The following LRRTM4 variants were observed in gnomAD, a reference collection of about 807,000 sequenced individuals.
LRRTM4 encodes leucine rich repeat transmembrane neuronal 4.
Under a neutral mutation model 47.6 loss-of-function variants are expected in LRRTM4, and 25 were observed. The ratio of observed to expected loss-of-function variants is 0.53; its 90% confidence interval spans 0.38 to 0.73. The LOEUF (loss-of-function observed/expected upper bound fraction) is 0.73. Among genes scored for constraint, LRRTM4 ranks in the 30% least tolerant of loss-of-function variants. LRRTM4 has a pLI of 0.00. For synonymous variants in LRRTM4, 311 were observed against 269.5 expected, an observed-to-expected ratio of 1.15 and a Z score of -1.51; for missense variants, 638 against 713.4, an observed-to-expected ratio of 0.89 and a Z score of 1.20.
chr2:76,765,213 T>A (rs1256290827), intron 3 of LRRTM4, among the ~76,000 whole-genome samples: 1 of 152,198 alleles, frequency 6.6e-6, no homozygotes, highest in African/African-American at 2.4e-5. Flanking sequence ...GCATGATACT[T>A]TGGAAGCACG....
intron 3 of LRRTM4, among the ~76,000 whole-genome samples, chr2:77,121,265 T>A (rs1671514466): frequency 6.6e-6 from 1 of 151,928 alleles, no homozygotes; most frequent in South Asian, 2.1e-4. Context: ...CTATATCTAA[T>A]GATTTTTATC....
chr2:76,799,087 C>A (rs1325557031), intron 3 of LRRTM4, among the ~76,000 whole-genome samples: 1 of 147,424 alleles, frequency 6.8e-6, no homozygotes, highest in East Asian at 2.0e-4. Context: ...GGGAATCCTC[C>A]CTAACTCATT....
At chr2:77,441,443 A>G (rs1292691179) in intron 3 of LRRTM4, among the ~76,000 whole-genome samples, 2 of 152,158 alleles carry the variant, frequency 1.3e-5, no homozygotes, top group East Asian at 3.9e-4. Context: ...CAATCACCTA[A>G]TAAGTTTATA....
Position 77,288,749 on chromosome 2 carries a change from TATG to T in LRRTM4, c.1551+229566_1551+229568del, listed in dbSNP as rs776793926. Among the ~76,000 whole-genome samples, 99 of 152,218 alleles carry T rather than the reference TATG, an allele frequency of 6.5e-4. 1 individual carries two copies. The highest frequency in any genetic ancestry group is 1.3e-3 in the Non-Finnish European group (88 of 67,992). Reference sequence around the variant, plus strand: ...TATGTAATGCTTAGGAAATAAATACTATGATATGTTCAAACTCATCCTGTGTAT... The same window carrying T: ...TATGTAATGCTTAGGAAATAAATACTATATGTTCAAACTCATCCTGTGTAT... On this transcript the variant is annotated intron_variant, in intron 3 of 3. Coordinates refer to ENST00000409884, the MANE Select transcript of LRRTM4 (RefSeq NM_001134745.3).
chr2:76,961,130 C>G (rs1573372416), intron 3 of LRRTM4, among the ~76,000 whole-genome samples: 1 of 151,374 alleles, frequency 6.6e-6, no homozygotes, highest in Non-Finnish European at 1.5e-5. Context: ...ATCATTTCCC[C>G]TTATTGGATA....
chr2:77,268,792 C>A (rs546651234), intron 3 of LRRTM4, among the ~76,000 whole-genome samples: 1 of 152,128 alleles, frequency 6.6e-6, no homozygotes, highest in Non-Finnish European at 1.5e-5. Context: ...ACTAAACTAG[C>A]CATAATGACT....
chr2:76,851,886 C>A lies in LRRTM4; in HGVS notation c.1552-102970G>T, dbSNP rs115753255. 3.8e-3 allele frequency among the ~76,000 whole-genome samples: 566 copies of A among 150,894 alleles called. 2 individuals are homozygous for A. The highest frequency in any genetic ancestry group is 0.014 in the Middle Eastern group (4 of 288). On this transcript the variant is annotated intron_variant, in intron 3 of 3. Coordinates refer to ENST00000409884, the MANE Select transcript of LRRTM4 (RefSeq NM_001134745.3). ...ATCCTGAATTATGCTAAAATTTTGACCCTATTTGTTAATCACACAGGAAAC... is the reference window on the plus strand; with the variant it reads ...ATCCTGAATTATGCTAAAATTTTGAACCTATTTGTTAATCACACAGGAAAC...
At chr2:76,957,922 G>A (rs1362881599) in intron 3 of LRRTM4, among the ~76,000 whole-genome samples, 4 of 150,194 alleles carry the variant, frequency 2.7e-5, no homozygotes, top group Admixed American at 1.3e-4. Flanking sequence ...TTGTGTGTGT[G>A]TATATATATG....
At chr2:76,873,966 AT>A (rs571289068) in intron 3 of LRRTM4, among the ~76,000 whole-genome samples, 1 of 152,130 alleles carries the variant, frequency 6.6e-6, no homozygotes, top group East Asian at 1.9e-4. Flanking sequence ...AATCATATTT[AT>A]TGTAAACCAG....
chr2:76,954,508 GA>G (rs74921599), intron 3 of LRRTM4, among the ~76,000 whole-genome samples: 36,603 of 146,020 alleles, frequency 0.25, 5,205 homozygotes, highest in East Asian at 0.55. Flanking sequence ...GAAATAAAAA[GA>G]AAAAAAAAAT....
intron 3 of LRRTM4, among the ~76,000 whole-genome samples, chr2:77,046,765 T>C (rs568364715): frequency 3.9e-5 from 6 of 152,124 alleles, no homozygotes; most frequent in South Asian, 4.1e-4. Flanking sequence ...CATGTATATC[T>C]ATGCCCATCT....
At chr2:77,102,168 G>A (rs1039382665) in intron 3 of LRRTM4, among the ~76,000 whole-genome samples, 5 of 152,236 alleles carry the variant, frequency 3.3e-5, no homozygotes, top group Admixed American at 3.3e-4. Flanking sequence ...TAATCAGACT[G>A]CAGACTCCCA....
At chr2:77,125,906 A>AATAT (rs71964749) in intron 3 of LRRTM4, among the ~76,000 whole-genome samples, 51 of 146,686 alleles carry the variant, frequency 3.5e-4, no homozygotes, top group African/African-American at 9.2e-4. Flanking sequence ...ATATGCGTTG[A>AATAT]ATATATATAT....
chr2:77,067,028 G>A (rs1200111632), intron 3 of LRRTM4, among the ~76,000 whole-genome samples: 1 of 152,160 alleles, frequency 6.6e-6, no homozygotes, highest in African/African-American at 2.4e-5. Context: ...AAAGAGGAAG[G>A]GGTTCTGACA....
intron 3 of LRRTM4, among the ~76,000 whole-genome samples, chr2:76,815,925 C>T (rs1468355460): frequency 2.6e-5 from 4 of 151,872 alleles, no homozygotes; most frequent in Admixed American, 6.6e-5. Context: ...TATTATCTTC[C>T]CCTTTTTTTT....
chr2:76,899,863 A>G (rs922398132), intron 3 of LRRTM4, among the ~76,000 whole-genome samples: 9 of 152,196 alleles, frequency 5.9e-5, no homozygotes, highest in African/African-American at 2.2e-4. Context: ...GGAATCCTCA[A>G]GGCACACAAC....
chr2:77,031,815 TAAG>T (rs891737603), intron 3 of LRRTM4, among the ~76,000 whole-genome samples: 79 of 152,250 alleles, frequency 5.2e-4, no homozygotes, highest in African/African-American at 1.8e-3. Flanking sequence ...ATTATACTTA[TAAG>T]AAGTAAATTT....
chr2:77,026,204 AAAT>A (rs1357308215), intron 3 of LRRTM4, among the ~76,000 whole-genome samples: 1 of 152,208 alleles, frequency 6.6e-6, no homozygotes, highest in African/African-American at 2.4e-5. Context: ...ACAGTGAGGA[AAAT>A]AATAGCTAGC....
At chr2:76,783,076 G>C (rs553445339) in intron 3 of LRRTM4, among the ~76,000 whole-genome samples, 33 of 152,092 alleles carry the variant, frequency 2.2e-4, no homozygotes, top group Non-Finnish European at 4.0e-4. Context: ...GGAAGTTGCA[G>C]TACAAGAATA....
Sources: gnomAD v4.1 joint callset for allele counts (sites outside exome capture counted in the v4.1 genomes callset) on GRCh38, gnomAD v4.1.1 for gene constraint, MANE v1.5 for transcripts, NCBI Gene and HGNC (gene_info 2026-07-23, HGNC 2026-07-21) for gene names.